The following CSMD2 variants were observed in gnomAD, a reference collection of about 807,000 sequenced individuals.
CSMD2 encodes CUB and Sushi multiple domains 2, also known as CUB and sushi domain-containing protein 2.
In CSMD2, 130 loss-of-function variants were observed where a neutral mutation model predicts 398.5. The ratio of observed to expected loss-of-function variants is 0.33; its 90% CI spans 0.28 to 0.38. The LOEUF (loss-of-function observed/expected upper bound fraction) is 0.38, where lower values mean the gene tolerates loss of function less well. Among genes scored for constraint, CSMD2 ranks in the 10% least tolerant of loss-of-function variants. The probability of loss-of-function intolerance (pLI) is 1.00; values close to 1 mark genes in which losing one functional copy is unlikely to be tolerated. For missense variants in CSMD2, 3,829 were observed against 4,764.9 expected (o/e 0.80, Z 5.78); for synonymous variants, 1,828 against 1,908.5 (o/e 0.96, Z 1.10).
intron 3 of CSMD2, among the ~76,000 whole-genome samples, chr1:34,004,241 C>T (rs190070146): frequency 6.6e-6 from 1 of 152,324 alleles, no homozygotes; most frequent in African/African-American, 2.4e-5. Flanking sequence ...TGAATGAGGT[C>T]CCAGTGACAC....
intron 29 of CSMD2, among the ~76,000 whole-genome samples, chr1:33,643,211 T>C (rs982583123): frequency 6.6e-6 from 1 of 152,186 alleles, no homozygotes; most frequent in Non-Finnish European, 1.5e-5. Flanking sequence ...CATCTATGGT[T>C]CTCTCCAGAC....
intron 62 of CSMD2, among the ~76,000 whole-genome samples, chr1:33,534,268 T>C (rs1253250994): frequency 2.6e-5 from 4 of 152,214 alleles, no homozygotes; most frequent in Non-Finnish European, 5.9e-5. Context: ...GGGATGACCA[T>C]CCTTGCCACA....
chr1:33,643,712 G>T (rs1484777678), intron 29 of CSMD2, among the ~76,000 whole-genome samples: 1 of 152,286 alleles, frequency 6.6e-6, no homozygotes, highest in African/African-American at 2.4e-5. Context: ...TATCCTCAAA[G>T]CCATGGGACC....
At chr1:34,104,163 A>G (rs1163879724) in intron 1 of CSMD2, among the ~76,000 whole-genome samples, 1 of 152,164 alleles carries the variant, frequency 6.6e-6, no homozygotes, top group East Asian at 1.9e-4. Flanking sequence ...CATTTTATGC[A>G]CTTTTTGCCG....
At chr1:34,041,445 T>C (rs1651831901) in intron 2 of CSMD2, among the ~76,000 whole-genome samples, 2 of 152,236 alleles carry the variant, frequency 1.3e-5, no homozygotes, top group Admixed American at 1.3e-4. Context: ...CAAATTGTTT[T>C]TAATGCAGGA....
intron 3 of CSMD2, among the ~76,000 whole-genome samples, chr1:33,973,247 C>A (rs951848761): frequency 1.3e-5 from 2 of 152,208 alleles, no homozygotes; most frequent in African/African-American, 4.8e-5. Context: ...GTGTTGACAG[C>A]AGGAAGAACA....
chr1:33,959,200 GATA>G (rs1645266981), intron 3 of CSMD2, among the ~76,000 whole-genome samples: 1 of 152,174 alleles, frequency 6.6e-6, no homozygotes, highest in Non-Finnish European at 1.5e-5. Context: ...TCTGAGCCTA[GATA>G]AAAAATGCCA....
chr1:33,605,981 A>C (rs1640577369), intron 41 of CSMD2: 3 of 1,612,182 alleles, frequency 1.9e-6, no homozygotes, highest in Non-Finnish European at 2.5e-6. Context: ...GGTGGGAGTA[A>C]GTCAAATCTG....
At chr1:33,596,178 C>A (rs12042814) in intron 44 of CSMD2, among the ~76,000 whole-genome samples, 1 of 152,000 alleles carries the variant, frequency 6.6e-6, no homozygotes, top group African/African-American at 2.4e-5. Context: ...TTCTGCTGAC[C>A]CCTCCCTCCT....
At position 33,652,303 on chromosome 1, in the gene CSMD2, C is replaced by G. The variant is rs771447696; in HGVS notation, c.4586+20G>C. On this transcript the variant is annotated intron_variant, in intron 28 of 70. Transcript: ENST00000373381. The stretch of plus-strand genomic sequence containing the variant: ...GCCACTCTGAACCCTTCGTCTCCCA[C>G]CCGGGGGAAAGGTACATACATGTTA... The G allele has an allele frequency of 6.8e-6, 11 of 1,612,612 alleles. No individual in the cohort carries two copies. Among genetic ancestry groups the G allele is most frequent in the Non-Finnish European group, 9.3e-6 (11 of 1,178,940 alleles).
chr1:33,763,811 G>A (rs1177298058), intron 13 of CSMD2, among the ~76,000 whole-genome samples: 1 of 152,152 alleles, frequency 6.6e-6, no homozygotes, highest in Non-Finnish European at 1.5e-5. Context: ...GTGTGTGGCT[G>A]CACAGAGCCA....
chr1:33,916,677 C>T (rs942911350), intron 5 of CSMD2, among the ~76,000 whole-genome samples: 1 of 152,174 alleles, frequency 6.6e-6, no homozygotes, highest in African/African-American at 2.4e-5. Context: ...CCTTCCACTG[C>T]ACCAGGAAAC....
chr1:33,685,475 T>C (rs1397544824), intron 25 of CSMD2, among the ~76,000 whole-genome samples: 2 of 152,248 alleles, frequency 1.3e-5, no homozygotes, highest in Admixed American at 6.5e-5. Flanking sequence ...AGTTTTTAAA[T>C]TGAACTGAAT....
chr1:33,668,518 T>C (rs1443281010), intron 25 of CSMD2, among the ~76,000 whole-genome samples: 1 of 152,202 alleles, frequency 6.6e-6, no homozygotes, highest in Non-Finnish European at 1.5e-5. Context: ...CTTATAGAAA[T>C]CAGAGTCTAT....
chr1:33,659,178 T>C (rs374133208), intron 26 of CSMD2, among the ~76,000 whole-genome samples: 19 of 152,330 alleles, frequency 1.2e-4, no homozygotes, highest in African/African-American at 4.3e-4. Context: ...TAGTTTAACA[T>C]AGAGCAGGTG....
chr1:33,645,382 CACACACACACAT>C lies in CSMD2; in HGVS notation c.4774+1254_4774+1265del, dbSNP rs1410130271. Among the ~76,000 whole-genome samples the C allele has an allele frequency of 1.2e-3, 170 of 147,618 alleles. 3 individuals are homozygous for C. The highest frequency in any genetic ancestry group is 4.0e-3 in the African/African-American group (160 of 39,894). ...ACACACACACACACACACACACACACACACACACACATATATAAAATATGCATGTATAAAATA... is the reference window on the plus strand; with the variant it reads ...ACACACACACACACACACACACACACATATAAAATATGCATGTATAAAATA... On this transcript the variant is annotated intron_variant, in intron 29 of 70. Coordinates refer to ENST00000373381, the MANE Select transcript of CSMD2 (RefSeq NM_001281956.2).
chr1:34,040,262 T>A (rs1223653701), intron 2 of CSMD2, among the ~76,000 whole-genome samples: 2 of 152,168 alleles, frequency 1.3e-5, no homozygotes, highest in African/African-American at 2.4e-5. Context: ...GATCATCAGT[T>A]TGCATATGAA....
At chr1:33,713,836 A>G (rs2025592) in intron 21 of CSMD2, among the ~76,000 whole-genome samples, 49,046 of 152,128 alleles carry the variant, frequency 0.32, 8,856 homozygotes, top group Middle Eastern at 0.48. Context: ...GCCTTTTCTG[A>G]CCATGATAAA....
intron 2 of CSMD2, among the ~76,000 whole-genome samples, chr1:34,056,972 G>C (rs1027056536): frequency 6.6e-6 from 1 of 152,206 alleles, no homozygotes; most frequent in Non-Finnish European, 1.5e-5. Flanking sequence ...ACAGGAAGAA[G>C]AGGCTGGGGT....
Sources: allele counts gnomAD v4.1 joint callset (sites outside exome capture counted in the v4.1 genomes callset), GRCh38; gene constraint gnomAD v4.1.1; transcripts MANE v1.5; gene names NCBI Gene and HGNC (gene_info 2026-07-23, HGNC 2026-07-21).